Variants in PLEKHG4B observed in about 807,000 individuals in gnomAD.
PLEKHG4B encodes the protein pleckstrin homology domain-containing family G member 4B.
PLEKHG4B carries 111 observed loss-of-function variants against 121.3 expected under a neutral mutation model. The ratio of observed to expected loss-of-function variants is 0.92; its 90% CI spans 0.78 to 1.07. The LOEUF (loss-of-function observed/expected upper bound fraction) is 1.07, where lower values mean the gene tolerates loss of function less well. Ranked by LOEUF, PLEKHG4B falls within the 50% of genes least tolerant of loss-of-function variation. PLEKHG4B has a pLI of 0.00. For missense variants in PLEKHG4B, 1,831 were observed against 1,757.8 expected, an observed-to-expected ratio of 1.04 and a Z score of -0.74; for synonymous variants, 738 against 725.0, an observed-to-expected ratio of 1.02 and a Z score of -0.29.
chr5:169,120 C>T (rs1043761632), intron 13 of PLEKHG4B: 20 of 579,070 alleles, frequency 3.5e-5, no homozygotes, highest in African/African-American at 2.2e-4. Context: ...GTGATCTACC[C>T]GCCTCAGCCT....
chr5:179,173 G>C (rs1464689579), intron 18 of PLEKHG4B, among the ~76,000 whole-genome samples: 1 of 152,052 alleles, frequency 6.6e-6, no homozygotes, highest in Admixed American at 6.6e-5. Context: ...TCTTATATTT[G>C]AGATACGTCT....
rs1248873971 is a variant in PLEKHG4B, at chr5:188,234, C to T, written c.*5911C>T. The T allele has an allele frequency of 6.6e-6, 1 of 152,386 alleles. No individual in the cohort carries two copies. Among genetic ancestry groups the T allele is most frequent in the Non-Finnish European group, 1.5e-5 (1 of 68,158 alleles). 9.4% of individuals were successfully genotyped at this position (152,386 alleles called of 1,614,324 possible). On this transcript the variant is annotated 3_prime_UTR_variant, in exon 20 of 20. Coordinates refer to ENST00000637938, the MANE Select transcript of PLEKHG4B (RefSeq NM_052909.5). ...GGCTCCATCCTGGGGACACGCCTCT[C>T]CCAAGGTCACCCACGTGGGGGCTTT...
Position 140,005 on chromosome 5 carries a change from G to A in PLEKHG4B, c.766G>A (p.Gly256Arg), listed in dbSNP as rs529753425. 9.8e-6 allele frequency: 4 copies of A among 409,862 alleles called. No homozygotes were observed. In the South Asian group the frequency reaches 4.3e-4, roughly 44 times the overall value. The allele number at this position is 409,862 out of a possible 1,614,324, so 25.4% of individuals were successfully genotyped here. The change falls in exon 3 of 20, where the codon GGG becomes AGG. Residue 256 changes from glycine to arginine, a missense_variant. Physicochemically the swap from Gly to Arg is moderately radical, Grantham distance 125 (BLOSUM62 -2). Transcript: ENST00000637938. ...CACCCTGACCTCACCCTGCCGCCGA[G>A]GGCATACGGGCAGCGACCAGCTCAG... ...PDTLTSPCRR[G>R]HTGSDQLRHL...
intron 6 of PLEKHG4B, among the ~76,000 whole-genome samples, chr5:145,951 T>C (rs1301672275): frequency 6.6e-6 from 1 of 151,956 alleles, no homozygotes; most frequent in Non-Finnish European, 1.5e-5. Flanking sequence ...GGACACCAGG[T>C]GGCAGGTTGT....
intron 2 of PLEKHG4B, among the ~76,000 whole-genome samples, chr5:117,362 A>T (rs1014260331): frequency 6.6e-6 from 1 of 152,170 alleles, no homozygotes; most frequent in Non-Finnish European, 1.5e-5. Flanking sequence ...TGGTTGGGAA[A>T]TCATTATTAA....
In PLEKHG4B at chr5:163,184, T is replaced by C; in HGVS notation, c.3112T>C (p.Ser1038Pro). ...GCTGTGTGCTCTGTGGGACCCACTGTCCCTCCTCAGGGGCCTTCCAGGGGC... is the reference window on the plus strand; with the variant it reads ...GCTGTGTGCTCTGTGGGACCCACTGCCCCTCCTCAGGGGCCTTCCAGGGGC... ...PGLCALWDPL[S>P]LLRGLPGAGA... is the part of the protein sequence containing the mutation. Residue 1038 changes from serine (S) to proline (P), a missense_variant, in exon 13 of 20, where the codon TCC becomes CCC. Physicochemically the swap from Ser to Pro is moderately conservative, Grantham distance 74. Transcript: ENST00000637938. 2 of 1,578,354 alleles carry C rather than the reference T, an allele frequency of 1.3e-6. No homozygotes were observed. Among genetic ancestry groups the C allele is most frequent in the South Asian group, 2.4e-5 (2 of 84,188 alleles).
In PLEKHG4B at chr5:140,237, C is replaced by G; in HGVS notation, c.998C>G (p.Pro333Arg). ...ACCTTCCACACAGACCTGGGCATCCCGAGCAGCAGGAGGCGGCCGCCGGGG... is the reference window on the plus strand; with the variant it reads ...ACCTTCCACACAGACCTGGGCATCCGGAGCAGCAGGAGGCGGCCGCCGGGG... The part of the protein sequence containing the change: ...ALTFHTDLGI[P>R]SSRRRPPGDP... Residue 333 changes from proline (P) to arginine (R), a missense_variant, in exon 3 of 20, where the codon CCG (proline) becomes CGG (arginine). Transcript: ENST00000637938. 3 of 1,433,008 alleles carry G rather than the reference C, an allele frequency of 2.1e-6. No individual in the cohort carries two copies. The highest frequency in any genetic ancestry group is 2.8e-6 in the Non-Finnish European group (3 of 1,083,362). 88.8% of individuals were successfully genotyped at this position (1,433,008 alleles called of 1,614,324 possible).
intron 2 of PLEKHG4B, among the ~76,000 whole-genome samples, chr5:138,336 C>T (rs1477923400): frequency 2.6e-5 from 4 of 152,156 alleles, no homozygotes; most frequent in East Asian, 1.9e-4. Context: ...TCTCCCCTTG[C>T]GTGAAGTTTG....
In PLEKHG4B at chr5:137,525, A is replaced by T. The variant is rs781039972; in HGVS notation, c.244-1958A>T. 6.6e-6 allele frequency among the ~76,000 whole-genome samples: 1 copy of T among 151,992 alleles called. No homozygotes were observed. The highest frequency in any genetic ancestry group is 1.5e-5 in the Non-Finnish European group (1 of 68,004). On this transcript the variant is annotated intron_variant, in intron 2 of 19. Transcript: ENST00000637938. The surrounding 1 kb of genome is among the most constrained non-coding windows in gnomAD (Gnocchi z 4.2). ...ACCAGTTCCCTTCTACAGTGAAGAAACCCTATGCATATTGGAAATAGGGTT... is the reference window on the plus strand; with the variant it reads ...ACCAGTTCCCTTCTACAGTGAAGAATCCCTATGCATATTGGAAATAGGGTT...
In PLEKHG4B at chr5:161,833, A is replaced by G. The variant is rs116023486; in HGVS notation, c.2538A>G (p.Thr846=). Residue 846 remains threonine (T), a synonymous_variant, in exon 12 of 20, where the codon ACA becomes ACG. Coordinates refer to ENST00000637938, the MANE Select transcript of PLEKHG4B (RefSeq NM_052909.5). ...LQLAKENPQR[T]EEMVQDFRRG... ...TGGCGAAGGAGAACCCGCAACGTACAGAGGAAATGGTCCAGGATTTCAGAA... is the reference window on the plus strand; with the variant it reads ...TGGCGAAGGAGAACCCGCAACGTACGGAGGAAATGGTCCAGGATTTCAGAA... 1,197 of 1,613,920 alleles carry G rather than the reference A, an allele frequency of 7.4e-4. 5 individuals carry two copies. In the African/African-American group the frequency reaches 0.014, roughly 18 times the overall value.
At position 171,463 on chromosome 5, in the gene PLEKHG4B, G is replaced by A. The variant is rs1392596422; in HGVS notation, c.4050+19G>A. 6.4e-7 allele frequency: 1 copy of A among 1,554,232 alleles called. No homozygotes were observed. The highest frequency in any genetic ancestry group is 8.7e-7 in the Non-Finnish European group (1 of 1,149,232). On this transcript the variant is annotated intron_variant, in intron 16 of 19. Coordinates refer to ENST00000637938, the MANE Select transcript of PLEKHG4B (RefSeq NM_052909.5). ...CTGTGACGTAAGTGCCTCAGACGCT[G>A]GCAGCTCAGGCAAGCTGGGGGAATT...
intron 9 of PLEKHG4B, among the ~76,000 whole-genome samples, chr5:155,804 G>A (rs1735757198): frequency 1.3e-5 from 2 of 152,154 alleles, no homozygotes; most frequent in Non-Finnish European, 2.9e-5. Context: ...TGTGAGTGAG[G>A]TCTGCATGTC....
chr5:167,705 GC>G lies in PLEKHG4B; in HGVS notation c.3477-1633del, dbSNP rs746808999. On this transcript the variant is annotated intron_variant, in intron 13 of 19. Transcript: ENST00000637938. ...TCTCCTGGAGAGTCCCGCCGCCCAG[GC>G]CAGGCTTTGGCATTCATGCTGCCGG... Among the ~76,000 whole-genome samples, 73 of 152,216 alleles carry G rather than the reference GC, an allele frequency of 4.8e-4. 2 individuals are homozygous for G. Among genetic ancestry groups the G allele is most frequent in the Non-Finnish European group, 1.0e-3 (70 of 68,024 alleles).
At chr5:112,820 C>A (rs1287312739) in intron 1 of PLEKHG4B, among the ~76,000 whole-genome samples, 1 of 152,206 alleles carries the variant, frequency 6.6e-6, no homozygotes, top group African/African-American at 2.4e-5. Context: ...CCTCCCTGTA[C>A]AAACCCAGGA....
At chr5:106,852 CGT>C (rs201926580) in intron 1 of PLEKHG4B, among the ~76,000 whole-genome samples, 1,689 of 151,590 alleles carry the variant, frequency 0.011, 23 homozygotes, top group Non-Finnish European at 0.015. Flanking sequence ...TGTGTGTGCA[CGT>C]GTGTGTGGTG....
At chr5:160,345 G>C (rs937877603) in intron 11 of PLEKHG4B, among the ~76,000 whole-genome samples, 2 of 152,186 alleles carry the variant, frequency 1.3e-5, no homozygotes, top group Non-Finnish European at 2.9e-5. Flanking sequence ...TGTTGACTCT[G>C]GATACATTCC....
chr5:134,333 G>A (rs116244112), intron 2 of PLEKHG4B, among the ~76,000 whole-genome samples: 2,164 of 151,744 alleles, frequency 0.014, 57 homozygotes, highest in African/African-American at 0.049. Context: ...GAAAGGGTGG[G>A]AGGCAGGTGA....
intron 5 of PLEKHG4B, 53 bp downstream of exon 5, chr5:143,556 TGTGTGTGGCAAA>T: frequency 6.3e-7 from 1 of 1,594,516 alleles, no homozygotes; most frequent in Non-Finnish European, 8.6e-7. Context: ...CCCAGCTGCA[TGTGTGTGGCAAA>T]GTGGGGGGCA....
In PLEKHG4B at chr5:187,137, C is replaced by T. The variant is rs182228417; in HGVS notation, c.*4814C>T. On this transcript the variant is annotated 3_prime_UTR_variant, in exon 20 of 20. Transcript: ENST00000637938. Reference sequence around the variant, plus strand: ...TTCGTGGATGAGTCTACAAGGCTCCCCAGTGCCCAGCAAGAGTGTTTTTAC... The same window carrying T: ...TTCGTGGATGAGTCTACAAGGCTCCTCAGTGCCCAGCAAGAGTGTTTTTAC... The T allele has an allele frequency of 6.6e-6, 1 of 152,514 alleles. No individual in the cohort carries two copies. Among genetic ancestry groups the T allele is most frequent in the Non-Finnish European group, 1.5e-5 (1 of 68,250 alleles). The allele number at this position is 152,514 out of a possible 1,614,324, so 9.4% of individuals were successfully genotyped here.
Sources: allele counts gnomAD v4.1 joint callset (sites outside exome capture counted in the v4.1 genomes callset), GRCh38; gene constraint gnomAD v4.1.1; non-coding constraint Gnocchi (gnomAD v3.1); transcripts MANE v1.5; gene names NCBI Gene and HGNC (gene_info 2026-07-23, HGNC 2026-07-21).